Variants in HK3 observed in about 807,000 individuals in gnomAD.
HK3 encodes the protein hexokinase 3, also known as hexokinase-3.
A neutral mutation model predicts 91.0 loss-of-function variants in HK3; 93 were observed. The observed-to-expected ratio is 1.02, with a 90% CI of 0.86 to 1.21. The LOEUF is 1.21. HK3 is among the 50% of genes most tolerant of loss of function. The pLI is 0.00. For synonymous variants in HK3, 519 were observed against 516.9 expected, an observed-to-expected ratio of 1.00 and a Z score of -0.06; for missense variants, 1,235 against 1,247.4, an observed-to-expected ratio of 0.99 and a Z score of 0.15.
chr5:176,885,471 G>C (rs1428454450), intron 13 of HK3, among the ~76,000 whole-genome samples: 2 of 152,066 alleles, frequency 1.3e-5, no homozygotes, highest in African/African-American at 2.4e-5. Flanking sequence ...GCCCAGGCTG[G>C]AGTGCAATGG....
In HK3 at chr5:176,883,869, C is replaced by G. The variant is rs776992861; in HGVS notation, c.1954G>C (p.Ala652Pro). The change falls in exon 15 of 19, where the codon GCA (alanine) becomes CCA (proline). Residue 652 changes from alanine to proline, a missense_variant and splice_region_variant. Physicochemically the swap from Ala to Pro is conservative, Grantham distance 27. Transcript: ENST00000292432. ...ATGGCAACCACATTCAGCTCCACTG[C>G]CTGCACACAAAAGGATGCTGCTAGT... ...LLREAITRRQAVELNVVAIVN... is the reference protein window; with the variant it reads ...LLREAITRRQPVELNVVAIVN... 4 of 1,613,950 alleles carry G rather than the reference C, an allele frequency of 2.5e-6. No homozygotes were observed. Among genetic ancestry groups the G allele is most frequent in the Admixed American group, 1.7e-5 (1 of 60,036 alleles).
Position 176,889,428 on chromosome 5 carries a change from G to C in HK3, c.867C>G (p.Thr289=), listed in dbSNP as rs1165253247. The C allele has an allele frequency of 6.2e-7, 1 of 1,614,198 alleles. No homozygotes were observed. Residue 289 remains threonine, a synonymous_variant, in exon 8 of 19, where the codon ACC becomes ACG. Transcript: ENST00000292432. ...DDGALGPVLT[T]FDHTLDHESL... Reference sequence around the variant, plus strand: ...ACTCATGGTCCAGGGTATGGTCGAAGGTGGTCAGCACTGGTCCCAGCGCCC... The same window carrying C: ...ACTCATGGTCCAGGGTATGGTCGAACGTGGTCAGCACTGGTCCCAGCGCCC...
At chr5:176,882,800 A>G (rs1758477453) in intron 15 of HK3, among the ~76,000 whole-genome samples, 1 of 152,194 alleles carries the variant, frequency 6.6e-6, no homozygotes, top group Non-Finnish European at 1.5e-5. Context: ...TCTCTGACAC[A>G]GCTTCAGCTC....
Position 176,887,362 on chromosome 5 carries a change from C to T in HK3, c.1601-25G>A, listed in dbSNP as rs1366882444. 2.5e-6 allele frequency: 4 copies of T among 1,613,598 alleles called. No individual in the cohort carries two copies. The highest frequency in any genetic ancestry group is 1.3e-5 in the African/African-American group (1 of 74,910). On this transcript the variant is annotated intron_variant, in intron 11 of 18. Transcript: ENST00000292432. This position sits in a 1 kb window ranked among gnomAD's most constrained non-coding sequence, Gnocchi z 4.9. Reference sequence around the variant, plus strand: ...TCTGTGGGGGCAGAGACCCTCAGTGCCGGGATAGGGCTTGTGGCTCCAGCC... The same window carrying T: ...TCTGTGGGGGCAGAGACCCTCAGTGTCGGGATAGGGCTTGTGGCTCCAGCC...
At chr5:176,895,996 C>T in intron 2 of HK3, 68 bp downstream of exon 2, 1 of 1,318,766 alleles carries the variant, frequency 7.6e-7, no homozygotes, top group African/African-American at 1.4e-5. Context: ...GGCCCCATGG[C>T]AGCTTCAGTC....
At chr5:176,890,580 G>A (rs755690445) in intron 6 of HK3, 55 bp downstream of exon 6, 11 of 1,481,502 alleles carry the variant, frequency 7.4e-6, no homozygotes, top group Non-Finnish European at 1.0e-5. Context: ...CAACGCATGT[G>A]TGCCAGGCCC....
At chr5:176,886,539 G>C (rs896670199) in intron 13 of HK3, among the ~76,000 whole-genome samples, 1 of 152,056 alleles carries the variant, frequency 6.6e-6, no homozygotes, top group Non-Finnish European at 1.5e-5. Context: ...GCTAAAGTGT[G>C]TGCTGAGTAG....
In HK3 at chr5:176,893,350, G is replaced by A. The variant is rs186546006; in HGVS notation, c.97-1800C>T. On this transcript the variant is annotated intron_variant, in intron 2 of 18. Transcript: ENST00000292432. The stretch of plus-strand genomic sequence containing the variant: ...GCTGGAAAGAAACCCCAGATGATCC[G>A]GCTTGAGAAAACTTACAGCTGAGTC... 1.2e-3 allele frequency among the ~76,000 whole-genome samples: 185 copies of A among 152,270 alleles called. 4 individuals are homozygous for A. The Middle Eastern group carries it at 0.014, about 11-fold the overall frequency.
Position 176,891,562 on chromosome 5 carries a change from C to A in HK3, c.97-12G>T. 3 of 1,605,932 alleles carry A rather than the reference C, an allele frequency of 1.9e-6. No homozygotes were observed. Among genetic ancestry groups the A allele is most frequent in the Admixed American group, 1.7e-5 (1 of 58,952 alleles). On this transcript the variant is annotated splice_polypyrimidine_tract_variant and intron_variant, in intron 2 of 18. Transcript: ENST00000292432. ...AGGCACTCCTGCACCTGGGGAGAAA[C>A]AGGCCAACATCTGGGAAGGAGCACC...
intron 2 of HK3, among the ~76,000 whole-genome samples, chr5:176,892,050 C>T (rs1012798970): frequency 6.6e-6 from 1 of 152,340 alleles, no homozygotes; most frequent in East Asian, 1.9e-4. Flanking sequence ...AGAGGATGGT[C>T]CTTTTTTCAG....
intron 2 of HK3, among the ~76,000 whole-genome samples, chr5:176,894,624 G>A (rs1027769916): frequency 2.0e-5 from 3 of 152,164 alleles, no homozygotes; most frequent in Admixed American, 6.5e-5. Flanking sequence ...TTGGACAAGG[G>A]GGAAGTGGGA....
intron 10 of HK3, among the ~76,000 whole-genome samples, chr5:176,888,121 G>T (rs1758652270): frequency 6.6e-6 from 1 of 152,024 alleles, no homozygotes; most frequent in African/African-American, 2.4e-5. Context: ...CCCCCGTGTC[G>T]CCATGGCCTC....
At chr5:176,883,746 A>G (rs1758503351) in intron 15 of HK3, 24 bp downstream of exon 15, 2 of 1,584,818 alleles carry the variant, frequency 1.3e-6, no homozygotes, top group Non-Finnish European at 1.7e-6. Context: ...CAGTAGGGGC[A>G]TGAAAGGGCA....
Position 176,888,296 on chromosome 5 carries a change from T to C in HK3, c.1304+36A>G, listed in dbSNP as rs568523570. 18 of 1,511,920 alleles carry C rather than the reference T, an allele frequency of 1.2e-5. No individual in the cohort carries two copies. The South Asian group carries it at 2.2e-4, about 18-fold the overall frequency. The allele number at this position is 1,511,920 out of a possible 1,614,324, so 93.7% of individuals were successfully genotyped here. ...GGTGTGTATCACACACACGTGTTCA[T>C]GCCAACTAATCATGCGGATCACGTT... On this transcript the variant is annotated intron_variant, in intron 10 of 18. Coordinates refer to ENST00000292432, the MANE Select transcript of HK3 (RefSeq NM_002115.3).
chr5:176,883,916 C>G, intron 14 of HK3, 47 bp from the exon 15 acceptor site: 1 of 1,599,226 alleles, frequency 6.3e-7, no homozygotes, highest in East Asian at 2.2e-5. Context: ...GCGGTCGTCA[C>G]AGCAACCAGC....
chr5:176,895,529 C>G (rs957328518), intron 2 of HK3, among the ~76,000 whole-genome samples: 3 of 152,194 alleles, frequency 2.0e-5, no homozygotes, highest in Non-Finnish European at 4.4e-5. Context: ...GAGACAGCTT[C>G]TAAATCTTGG....
In HK3 at chr5:176,889,712, G is replaced by T. The variant is rs753683460; in HGVS notation, c.663C>A (p.Asn221Lys). The T allele has an allele frequency of 6.2e-7, 1 of 1,614,104 alleles. No individual in the cohort carries two copies. The highest frequency in any genetic ancestry group is 8.5e-7 in the Non-Finnish European group (1 of 1,180,030). Residue 221 changes from asparagine (N) to lysine (K), a missense_variant, in exon 7 of 19, where the codon AAC becomes AAA. Physicochemically the swap from Asn to Lys is moderately conservative, Grantham distance 94. Around this residue, in one of 3 missense-constraint regions of HK3, gnomAD observed 717 missense variants for 751.6 expected, o/e 0.95. Coordinates refer to ENST00000292432, the MANE Select transcript of HK3 (RefSeq NM_002115.3). ...AYNIDVVAVV[N>K]DTVGTMMGCE... is the part of the protein sequence containing the mutation. Reference sequence around the variant, plus strand: ...AGCCCATCATGGTGCCCACTGTGTCGTTCACCACAGCAACCACGTCGATGT... The same window carrying T: ...AGCCCATCATGGTGCCCACTGTGTCTTTCACCACAGCAACCACGTCGATGT...
chr5:176,888,886 G>T (rs202040089), intron 8 of HK3, 22 bp from the exon 9 acceptor site: 101 of 1,605,864 alleles, frequency 6.3e-5, no homozygotes, highest in Admixed American at 4.3e-4. Context: ...AAGGGTGGCT[G>T]GAGGAAGCCT....
At chr5:176,890,968 C>T in intron 4 of HK3, 27 bp from the exon 5 acceptor site, 3 of 1,614,012 alleles carry the variant, frequency 1.9e-6, no homozygotes, top group African/African-American at 1.3e-5. Context: ...GGGGCTCAGC[C>T]TTGCCCATCT....
Sources: allele counts gnomAD v4.1 joint callset (sites outside exome capture counted in the v4.1 genomes callset), GRCh38; gene constraint gnomAD v4.1.1; regional missense constraint gnomAD v4.1.1; non-coding constraint Gnocchi (gnomAD v3.1); transcripts MANE v1.5; gene names NCBI Gene and HGNC (gene_info 2026-07-23, HGNC 2026-07-21).